The following EPHA6 variants were observed in gnomAD, a reference collection of about 807,000 sequenced individuals.
EPHA6 encodes the protein EPH receptor A6.
In EPHA6, 50 loss-of-function variants were observed where a neutral mutation model predicts 112.0. The observed-to-expected ratio is 0.45, with a 90% confidence interval of 0.36 to 0.56. EPHA6 has a LOEUF of 0.56. Among genes scored for constraint, EPHA6 ranks in the 20% least tolerant of loss-of-function variants. The probability of loss-of-function intolerance (pLI) is 0.00; values close to 1 mark genes in which losing one functional copy is unlikely to be tolerated. For synonymous variants in EPHA6, 529 were observed against 490.7 expected, an observed-to-expected ratio of 1.08 and a Z score of -1.03; for missense variants, 1,280 against 1,417.4, an observed-to-expected ratio of 0.90 and a Z score of 1.56.
intron 1 of EPHA6, among the ~76,000 whole-genome samples, chr3:96,825,764 A>G (rs1232579290): frequency 6.6e-6 from 1 of 151,938 alleles, no homozygotes; most frequent in African/African-American, 2.4e-5. Flanking sequence ...GTACTTTTAG[A>G]ATGTCAAAAG....
intron 7 of EPHA6, among the ~76,000 whole-genome samples, chr3:97,474,546 A>G (rs996783498): frequency 3.9e-5 from 6 of 151,982 alleles, no homozygotes; most frequent in South Asian, 2.1e-4. Flanking sequence ...TCTTACCTCT[A>G]TTATTGAGGA....
intron 5 of EPHA6, among the ~76,000 whole-genome samples, chr3:97,303,441 G>A (rs1195952456): frequency 2.0e-5 from 3 of 151,836 alleles, no homozygotes; most frequent in Non-Finnish European, 4.4e-5. Flanking sequence ...GAGCAAGACC[G>A]AGCAAGAGAG....
In EPHA6 at chr3:96,988,044, A is replaced by G. The variant is rs563719291; in HGVS notation, c.1114+51A>G. ...TATCTTGCATTTAAATGATTTTAAA[A>G]AAGTTTTATTTTTTAAATTAACAAA... On this transcript the variant is annotated intron_variant, in intron 3 of 17. Transcript: ENST00000389672. 1.8e-4 allele frequency: 252 copies of G among 1,419,800 alleles called. 1 individual carries two copies. In the African/African-American group the frequency reaches 3.2e-3, roughly 18 times the overall value. The allele number at this position is 1,419,800 out of a possible 1,614,324, so 88.0% of individuals were successfully genotyped here.
chr3:97,097,713 A>C (rs1041246668), intron 3 of EPHA6, among the ~76,000 whole-genome samples: 23 of 151,976 alleles, frequency 1.5e-4, no homozygotes, highest in African/African-American at 4.8e-4. Flanking sequence ...GCCTGTATCC[A>C]TAATAGGTAC....
chr3:97,198,337 G>T (rs1310069436), intron 3 of EPHA6, among the ~76,000 whole-genome samples: 3 of 152,114 alleles, frequency 2.0e-5, no homozygotes, highest in Admixed American at 6.5e-5. Flanking sequence ...AAATGTGTGT[G>T]ACTGAATCCT....
chr3:97,406,039 G>A (rs1331540043), intron 6 of EPHA6, among the ~76,000 whole-genome samples: 1 of 151,992 alleles, frequency 6.6e-6, no homozygotes, highest in African/African-American at 2.4e-5. Flanking sequence ...AGTATGCAAA[G>A]GGAATGTTAA....
chr3:96,878,562 A>AAG, intron 2 of EPHA6, among the ~76,000 whole-genome samples: 1 of 152,238 alleles, frequency 6.6e-6, no homozygotes, highest in Non-Finnish European at 1.5e-5. Flanking sequence ...GGAACTTAAT[A>AAG]GTCTAGATGC....
chr3:96,874,550 T>C (rs1307105170), intron 2 of EPHA6, among the ~76,000 whole-genome samples: 1 of 152,108 alleles, frequency 6.6e-6, no homozygotes, highest in Non-Finnish European at 1.5e-5. Context: ...CTTGTCATTC[T>C]CAAAATGTCT....
chr3:97,206,836 G>C (rs979049481), intron 3 of EPHA6, among the ~76,000 whole-genome samples: 2 of 151,972 alleles, frequency 1.3e-5, no homozygotes, highest in African/African-American at 4.8e-5. Flanking sequence ...TTCCACTTCA[G>C]AATAATCAAA....
intron 5 of EPHA6, among the ~76,000 whole-genome samples, chr3:97,401,004 A>C (rs1229384825): frequency 6.6e-6 from 1 of 151,758 alleles, no homozygotes; most frequent in Non-Finnish European, 1.5e-5. Flanking sequence ...TCAGTTCTTA[A>C]AGGAAAATCT....
At chr3:97,420,038 GAAA>G (rs1198170456) in intron 6 of EPHA6, among the ~76,000 whole-genome samples, 1 of 152,098 alleles carries the variant, frequency 6.6e-6, no homozygotes, top group Non-Finnish European at 1.5e-5. Context: ...AAAGCCTTCT[GAAA>G]AATGTCTTTT....
chr3:97,577,840 A>G (rs1489120981), intron 11 of EPHA6, among the ~76,000 whole-genome samples: 1 of 151,968 alleles, frequency 6.6e-6, no homozygotes. Flanking sequence ...GTAGTGGAAG[A>G]GAAGGAAGTA....
intron 3 of EPHA6, among the ~76,000 whole-genome samples, chr3:97,124,934 C>T (rs1257778280): frequency 3.3e-5 from 5 of 152,140 alleles, no homozygotes; most frequent in Admixed American, 2.0e-4. Context: ...TTGCTGGAAG[C>T]ATAATTACTA....
At chr3:97,357,701 T>C (rs545628960) in intron 5 of EPHA6, among the ~76,000 whole-genome samples, 1 of 152,350 alleles carries the variant, frequency 6.6e-6, no homozygotes, top group East Asian at 1.9e-4. Context: ...ACCTTAACTA[T>C]TAATAGCTTA....
At chr3:97,651,479 C>T (rs922102087) in intron 14 of EPHA6, among the ~76,000 whole-genome samples, 1 of 151,998 alleles carries the variant, frequency 6.6e-6, no homozygotes, top group African/African-American at 2.4e-5. Flanking sequence ...TCACAGAATA[C>T]ATAATATTTT....
At chr3:97,533,282 A>G (rs1376629793) in intron 11 of EPHA6, among the ~76,000 whole-genome samples, 2 of 152,052 alleles carry the variant, frequency 1.3e-5, no homozygotes, top group Non-Finnish European at 2.9e-5. Context: ...CAATCCTTGA[A>G]AGAGGCATTT....
chr3:97,509,859 A>C (rs1328314949), intron 10 of EPHA6, among the ~76,000 whole-genome samples: 1 of 152,098 alleles, frequency 6.6e-6, no homozygotes, highest in African/African-American at 2.4e-5. Flanking sequence ...ACATAGTCTC[A>C]TATTTCTTGG....
At chr3:97,596,187 G>A (rs898538689) in intron 12 of EPHA6, among the ~76,000 whole-genome samples, 2 of 152,058 alleles carry the variant, frequency 1.3e-5, no homozygotes, top group Admixed American at 6.5e-5. Context: ...TTACAGGCGT[G>A]AGCCACCGCG....
intron 14 of EPHA6, among the ~76,000 whole-genome samples, chr3:97,681,606 G>T (rs1001335474): frequency 8.6e-5 from 13 of 152,018 alleles, no homozygotes; most frequent in African/African-American, 2.4e-4. Context: ...AAAGCATATT[G>T]GAAATTAAAA....
Sources: allele counts gnomAD v4.1 joint callset (sites outside exome capture counted in the v4.1 genomes callset), GRCh38; gene constraint gnomAD v4.1.1; transcripts MANE v1.5; gene names NCBI Gene and HGNC (gene_info 2026-07-23, HGNC 2026-07-21).